MEGF10: variants seen among roughly 807,000 people sequenced by gnomAD.
MEGF10 encodes the protein multiple EGF like domains 10, also known as multiple epidermal growth factor-like domains protein 10.
Under a neutral mutation model 147.5 loss-of-function variants are expected in MEGF10, and 86 were observed. The observed-to-expected ratio is 0.58, with a 90% CI of 0.49 to 0.70. MEGF10 has a LOEUF of 0.70. Ranked by LOEUF, MEGF10 falls within the 30% of genes least tolerant of loss-of-function variation. MEGF10 has a pLI of 0.00. For synonymous variants in MEGF10, 478 were observed against 525.5 expected (o/e 0.91, Z 1.24); for missense variants, 1,329 against 1,487.3 (o/e 0.89, Z 1.75).
intron 9 of MEGF10, among the ~76,000 whole-genome samples, chr5:127,412,198 A>G (rs1036731421): frequency 4.6e-5 from 7 of 152,254 alleles, no homozygotes; most frequent in African/African-American, 1.7e-4. Context: ...CTAATATTGT[A>G]TACCAAATAA....
At chr5:127,244,193 T>A in the MEGF10 span, among the ~76,000 whole-genome samples, 1 of 40,778 alleles carries the variant, frequency 2.5e-5, no homozygotes. Context: ...AGAAACTCTG[T>A]CCAAAAAAAA....
In MEGF10 at chr5:127,369,959, C is replaced by G; in HGVS notation, c.369C>G (p.Thr123=). The G allele has an allele frequency of 6.2e-7, 1 of 1,613,484 alleles. No homozygotes were observed. Among genetic ancestry groups the G allele is most frequent in the Non-Finnish European group, 8.5e-7 (1 of 1,179,632 alleles). Residue 123 remains threonine, a synonymous_variant, in exon 5 of 25, where the codon ACC becomes ACG. Transcript: ENST00000503335. ...CVHGRCIAPN[T]CQCEPGWGGT... ...ATGGTCGCTGTATTGCTCCAAACAC[C>G]TGTCAGTGTGAGCCTGGCTGGGGAG...
Position 127,459,859 on chromosome 5 carries a change from G to C in MEGF10, c.*2541G>C, listed in dbSNP as rs2127054314. The C allele has an allele frequency of 6.6e-6, 1 of 152,312 alleles. No individual in the cohort carries two copies. The highest frequency in any genetic ancestry group is 2.4e-5 in the African/African-American group (1 of 41,576). The allele number at this position is 152,312 out of a possible 1,614,324, so 9.4% of individuals were successfully genotyped here. Reference sequence around the variant, plus strand: ...TACGTGTTACATTTGGAGAGGTCTTGTTGAGAAGGCAAAATTTTCTAAATA... The same window carrying C: ...TACGTGTTACATTTGGAGAGGTCTTCTTGAGAAGGCAAAATTTTCTAAATA... On this transcript the variant is annotated 3_prime_UTR_variant, in exon 25 of 25. Coordinates refer to ENST00000503335, the MANE Select transcript of MEGF10 (RefSeq NM_001256545.2).
At chr5:127,366,596 T>C (rs2126853777) in intron 4 of MEGF10, among the ~76,000 whole-genome samples, 1 of 152,338 alleles carries the variant, frequency 6.6e-6, no homozygotes, top group South Asian at 2.1e-4. Context: ...ACAGGCAAAT[T>C]TGTTTTCTGC....
At chr5:127,262,617 C>T in the MEGF10 span, among the ~76,000 whole-genome samples, 2 of 152,166 alleles carry the variant, frequency 1.3e-5, no homozygotes, top group Non-Finnish European at 2.9e-5. Context: ...TATCAAGGAT[C>T]AATTTATCAC....
In MEGF10 at chr5:127,305,021, A is replaced by G. The variant is rs531221307; in HGVS notation, c.-19+13965A>G. On this transcript the variant is annotated intron_variant, in intron 1 of 24. Coordinates refer to ENST00000503335, the MANE Select transcript of MEGF10 (RefSeq NM_001256545.2). ...ACATTAAAAGAGTATTTGTGGACCT[A>G]ATTTCAAGATTATTCAGAATTGTGG... 6.6e-5 allele frequency among the ~76,000 whole-genome samples: 10 copies of G among 152,330 alleles called. No homozygotes were observed. The South Asian group carries it at 2.1e-3, about 32-fold the overall frequency.
chr5:127,266,486 C>G, the MEGF10 span, among the ~76,000 whole-genome samples: 1 of 152,084 alleles, frequency 6.6e-6, no homozygotes, highest in Non-Finnish European at 1.5e-5. Context: ...ATGGCGATGG[C>G]GTTGAATCTA....
Position 127,417,800 on chromosome 5 carries a change from C to T in MEGF10, c.1293C>T (p.Ala431=). 1 of 1,613,728 alleles carries T rather than the reference C, an allele frequency of 6.2e-7. No homozygotes were observed. Residue 431 remains alanine, a synonymous_variant, in exon 10 of 25, where the codon GCC becomes GCT. Transcript: ENST00000503335. ...CDSVTGKCTC[A]PGFKGIDCST... The stretch of plus-strand genomic sequence containing the variant: ...GTGTGACTGGAAAGTGCACCTGTGC[C>T]CCAGGATTCAAAGTGAGTGACTAGG...
chr5:127,313,625 C>T, intron 1 of MEGF10, among the ~76,000 whole-genome samples: 1 of 152,196 alleles, frequency 6.6e-6, no homozygotes, highest in East Asian at 1.9e-4. Context: ...CTTTTTACTA[C>T]CTTTATCCAT....
intron 4 of MEGF10, among the ~76,000 whole-genome samples, chr5:127,363,668 T>A (rs530152804): frequency 2.0e-5 from 3 of 152,230 alleles, no homozygotes; most frequent in Non-Finnish European, 4.4e-5. Context: ...CAATTGGCAA[T>A]GTCTGCCAAA....
chr5:127,235,288 C>T, the MEGF10 span, among the ~76,000 whole-genome samples: 3 of 152,322 alleles, frequency 2.0e-5, no homozygotes, highest in East Asian at 1.9e-4. Context: ...CTCTCCCAAG[C>T]TTTTACCTCC....
chr5:127,429,824 G>A (rs1324177735), intron 13 of MEGF10, among the ~76,000 whole-genome samples: 1 of 152,062 alleles, frequency 6.6e-6, no homozygotes, highest in Non-Finnish European at 1.5e-5. Flanking sequence ...GCCATCTTCT[G>A]CCCTCCTATA....
chr5:127,342,101 T>C (rs1172093550), intron 4 of MEGF10, among the ~76,000 whole-genome samples: 1 of 152,226 alleles, frequency 6.6e-6, no homozygotes, highest in Admixed American at 6.5e-5. Context: ...ATTTCTTTGA[T>C]TAATAATGAT....
chr5:127,431,286 T>C (rs1483533103), intron 13 of MEGF10, among the ~76,000 whole-genome samples: 1 of 152,242 alleles, frequency 6.6e-6, no homozygotes, highest in Non-Finnish European at 1.5e-5. Context: ...CTTACCATGC[T>C]CTGATTGAGA....
chr5:127,250,971 A>G, the MEGF10 span, among the ~76,000 whole-genome samples: 1 of 152,038 alleles, frequency 6.6e-6, no homozygotes, highest in African/African-American at 2.4e-5. Flanking sequence ...AATATAGAAA[A>G]AAATCCAATA....
In MEGF10 at chr5:127,459,247, T is replaced by C. The variant is rs1766477467; in HGVS notation, c.*1929T>C. Reference sequence around the variant, plus strand: ...CACGTATGATGGTGGTTTGGTCAGATGGATAATACAGCAGACACACTTAGA... The same window carrying C: ...CACGTATGATGGTGGTTTGGTCAGACGGATAATACAGCAGACACACTTAGA... On this transcript the variant is annotated 3_prime_UTR_variant, in exon 25 of 25. Transcript: ENST00000503335. 1 of 152,184 alleles carries C rather than the reference T, an allele frequency of 6.6e-6. No individual in the cohort carries two copies. Among genetic ancestry groups the C allele is most frequent in the African/African-American group, 2.4e-5 (1 of 41,456 alleles). The allele number at this position is 152,184 out of a possible 1,614,324, so 9.4% of individuals were successfully genotyped here. A position where few individuals can be genotyped will look rare whatever the true frequency, so the allele number is the denominator to read the frequency against.
chr5:127,271,999 G>T, the MEGF10 span, among the ~76,000 whole-genome samples: 1 of 152,034 alleles, frequency 6.6e-6, no homozygotes, highest in African/African-American at 2.4e-5. Context: ...TGAAATCTTT[G>T]CCTGTGCCTG....
chr5:127,459,137 A>G lies in MEGF10; in HGVS notation c.*1819A>G, dbSNP rs1766471225. 6.6e-6 allele frequency: 1 copy of G among 152,232 alleles called. No individual in the cohort carries two copies. Among genetic ancestry groups the G allele is most frequent in the Non-Finnish European group, 1.5e-5 (1 of 68,050 alleles). 9.4% of individuals were successfully genotyped at this position (152,232 alleles called of 1,614,324 possible). On this transcript the variant is annotated 3_prime_UTR_variant, in exon 25 of 25. Transcript: ENST00000503335. ...AGTCAGTTAACAAATACGTATGTGC[A>G]ACCCTTCTGCTAGTAGTGCACATAA...
intron 7 of MEGF10, among the ~76,000 whole-genome samples, chr5:127,401,398 G>A (rs1396377841): frequency 1.3e-5 from 2 of 152,264 alleles, no homozygotes; most frequent in African/African-American, 4.8e-5. Context: ...AAGAGTCTGT[G>A]GAAGAAATTT....
Sources: gnomAD v4.1 joint callset for allele counts (sites outside exome capture counted in the v4.1 genomes callset) on GRCh38, gnomAD v4.1.1 for gene constraint, MANE v1.5 for transcripts, NCBI Gene and HGNC (gene_info 2026-07-23, HGNC 2026-07-21) for gene names.